Variants in KCNQ5 observed in about 807,000 individuals in gnomAD.
KCNQ5 encodes potassium voltage-gated channel subfamily Q member 5.
In KCNQ5, 30 loss-of-function variants were observed where a neutral mutation model predicts 98.2. The ratio of observed to expected loss-of-function variants is 0.31; its 90% CI spans 0.23 to 0.41. The LOEUF (loss-of-function observed/expected upper bound fraction) is 0.41, where lower values mean the gene tolerates loss of function less well. Ranked by LOEUF, KCNQ5 falls within the 10% of genes least tolerant of loss-of-function variation. The pLI, the probability that KCNQ5 is intolerant of heterozygous loss-of-function variation, is 1.00. For synonymous variants in KCNQ5, 458 were observed against 449.4 expected (o/e 1.02, Z -0.24); for missense variants, 835 against 1,182.5 (o/e 0.71, Z 4.31).
intron 10 of KCNQ5, among the ~76,000 whole-genome samples, chr6:73,141,788 A>G (rs796494675): frequency 7.9e-5 from 12 of 152,352 alleles, no homozygotes; most frequent in African/African-American, 2.2e-4. Context: ...GTGTGTGTGC[A>G]TGTCCACATT....
chr6:73,052,188 AG>A (rs1772275341), intron 3 of KCNQ5, among the ~76,000 whole-genome samples: 1 of 152,236 alleles, frequency 6.6e-6, no homozygotes, highest in Non-Finnish European at 1.5e-5. Flanking sequence ...ACAAAAATAA[AG>A]AAAAAAAGAT....
intron 1 of KCNQ5, among the ~76,000 whole-genome samples, chr6:72,884,436 C>T (rs1166941867): frequency 2.0e-5 from 3 of 151,996 alleles, no homozygotes; most frequent in Non-Finnish European, 2.9e-5. Context: ...CATAATAGAG[C>T]ATTCACAAGC....
chr6:72,953,125 C>T (rs888700004), intron 1 of KCNQ5, among the ~76,000 whole-genome samples: 8 of 152,192 alleles, frequency 5.3e-5, no homozygotes, highest in Admixed American at 2.0e-4. Context: ...TAGATACACA[C>T]CACATAGTGA....
intron 1 of KCNQ5, among the ~76,000 whole-genome samples, chr6:72,837,822 G>T (rs1776576226): frequency 1.3e-5 from 2 of 152,104 alleles, no homozygotes; most frequent in Admixed American, 1.3e-4. Context: ...TGTTATATAT[G>T]TTTAAACATG....
chr6:72,676,067 G>A (rs1029843768), intron 1 of KCNQ5, among the ~76,000 whole-genome samples: 2 of 152,118 alleles, frequency 1.3e-5, no homozygotes, highest in African/African-American at 4.8e-5. Context: ...ATTAACTCTT[G>A]CAAAGACCTT....
chr6:72,820,331 T>A (rs1393339360), intron 1 of KCNQ5, among the ~76,000 whole-genome samples: 3 of 152,256 alleles, frequency 2.0e-5, no homozygotes, highest in African/African-American at 7.2e-5. Context: ...GACTATGAAC[T>A]GGGATTCAAG....
chr6:72,647,764 G>A (rs1286515421), intron 1 of KCNQ5, among the ~76,000 whole-genome samples: 2 of 152,172 alleles, frequency 1.3e-5, no homozygotes, highest in South Asian at 2.1e-4. Flanking sequence ...TTATTTGTAA[G>A]TTCCTATGGG....
At chr6:73,161,354 T>C (rs2150494142) in intron 10 of KCNQ5, among the ~76,000 whole-genome samples, 1 of 152,352 alleles carries the variant, frequency 6.6e-6, no homozygotes, top group South Asian at 2.1e-4. Flanking sequence ...GGTTAATTAA[T>C]GGCTACAGTC....
intron 1 of KCNQ5, among the ~76,000 whole-genome samples, chr6:72,746,453 G>A (rs780185242): frequency 1.3e-5 from 2 of 152,148 alleles, no homozygotes; most frequent in African/African-American, 2.4e-5. Context: ...AGATGTACCA[G>A]GGTAGACAGG....
intron 1 of KCNQ5, among the ~76,000 whole-genome samples, chr6:72,754,280 GA>G (rs1279360947): frequency 6.6e-6 from 1 of 152,026 alleles, no homozygotes; most frequent in Non-Finnish European, 1.5e-5. Flanking sequence ...TTGACATGTT[GA>G]TTTTTATTTG....
intron 10 of KCNQ5, among the ~76,000 whole-genome samples, chr6:73,162,097 T>G (rs1271227936): frequency 6.6e-5 from 10 of 151,568 alleles, no homozygotes; most frequent in South Asian, 2.1e-4. Flanking sequence ...TTTTTTTTTT[T>G]TGTATTTTTA....
At chr6:72,701,837 A>G (rs1768824985) in intron 1 of KCNQ5, among the ~76,000 whole-genome samples, 1 of 152,002 alleles carries the variant, frequency 6.6e-6, no homozygotes, top group South Asian at 2.1e-4. Flanking sequence ...AAGAAGCTTG[A>G]TGTGCACCAT....
chr6:73,111,300 T>C lies in KCNQ5; in HGVS notation c.1030-8T>C, dbSNP rs1174674924. On this transcript the variant is annotated splice_region_variant and splice_polypyrimidine_tract_variant and intron_variant, in intron 6 of 13. Coordinates refer to ENST00000370398, the MANE Select transcript of KCNQ5 (RefSeq NM_019842.4). ...ATTTTTGAGTGCCATTTTTGTATTTTGTTCCAGGGCATTCTTGGCTCAGGT... is the reference window on the plus strand; with the variant it reads ...ATTTTTGAGTGCCATTTTTGTATTTCGTTCCAGGGCATTCTTGGCTCAGGT... 3 of 1,601,112 alleles carry C rather than the reference T, an allele frequency of 1.9e-6. No individual in the cohort carries two copies. Among genetic ancestry groups the C allele is most frequent in the Non-Finnish European group, 1.7e-6 (2 of 1,173,878 alleles).
chr6:73,101,680 A>C (rs1373823411), intron 5 of KCNQ5, among the ~76,000 whole-genome samples: 1 of 151,874 alleles, frequency 6.6e-6, no homozygotes. Flanking sequence ...TTAAATACCT[A>C]GGAATTAACC....
chr6:72,987,990 T>TAAGGAC (rs898553082), intron 1 of KCNQ5, among the ~76,000 whole-genome samples: 4 of 152,124 alleles, frequency 2.6e-5, no homozygotes, highest in African/African-American at 4.8e-5. Flanking sequence ...CTGTGGAGAC[T>TAAGGAC]AAGGACAAGG....
chr6:73,183,040 T>G (rs1371899619), intron 11 of KCNQ5, among the ~76,000 whole-genome samples: 1 of 152,108 alleles, frequency 6.6e-6, no homozygotes, highest in Non-Finnish European at 1.5e-5. Flanking sequence ...TTTCCAAGTA[T>G]GGGATCCCCT....
At chr6:72,962,446 C>G (rs1353185101) in intron 1 of KCNQ5, among the ~76,000 whole-genome samples, 1 of 151,712 alleles carries the variant, frequency 6.6e-6, no homozygotes, top group African/African-American at 2.4e-5. Flanking sequence ...CACTACCATA[C>G]AATTCATCCA....
chr6:72,919,652 GA>G (rs778103535), intron 1 of KCNQ5, among the ~76,000 whole-genome samples: 8 of 150,354 alleles, frequency 5.3e-5, no homozygotes, highest in African/African-American at 1.2e-4. Flanking sequence ...CTCCCTTTCT[GA>G]AAAAAAAATT....
chr6:72,721,961 T>C (rs1418148969), intron 1 of KCNQ5, among the ~76,000 whole-genome samples: 1 of 152,128 alleles, frequency 6.6e-6, no homozygotes, highest in African/African-American at 2.4e-5. Flanking sequence ...TTAAAGATCT[T>C]GAGATGGGAA....
Sources: allele counts gnomAD v4.1 joint callset (sites outside exome capture counted in the v4.1 genomes callset), GRCh38; gene constraint gnomAD v4.1.1; transcripts MANE v1.5; gene names NCBI Gene and HGNC (gene_info 2026-07-23, HGNC 2026-07-21).